Variants in PRKCH observed in about 807,000 individuals in gnomAD.
The protein encoded by PRKCH is protein kinase C eta type.
In PRKCH, 28 loss-of-function variants were observed where a neutral mutation model predicts 82.5. The observed-to-expected ratio is 0.34, with a 90% CI of 0.25 to 0.47. The LOEUF (loss-of-function observed/expected upper bound fraction) is 0.47, where lower values mean the gene tolerates loss of function less well. PRKCH is among the 20% of genes least tolerant of loss of function. The pLI is 1.00. For synonymous variants in PRKCH, 322 were observed against 327.4 expected, an observed-to-expected ratio of 0.98 and a Z score of 0.18; for missense variants, 705 against 881.8, an observed-to-expected ratio of 0.80 and a Z score of 2.54.
intron 2 of PRKCH, among the ~76,000 whole-genome samples, chr14:61,439,725 C>T (rs1247311912): frequency 6.6e-6 from 1 of 152,046 alleles, no homozygotes; most frequent in Non-Finnish European, 1.5e-5. Context: ...GGCTCTGAGG[C>T]AGGTAGGTTA....
chr14:61,516,465 T>C (rs2042830783), intron 10 of PRKCH, among the ~76,000 whole-genome samples: 1 of 152,200 alleles, frequency 6.6e-6, no homozygotes, highest in African/African-American at 2.4e-5. Context: ...CACTTGCACA[T>C]TTAATAATGA....
At chr14:61,535,422 C>T (rs1194294200) in intron 12 of PRKCH, among the ~76,000 whole-genome samples, 1 of 152,176 alleles carries the variant, frequency 6.6e-6, no homozygotes, top group Admixed American at 6.5e-5. Flanking sequence ...ACCTGGGCCA[C>T]CAAAGGAGGC....
intron 13 of PRKCH, among the ~76,000 whole-genome samples, chr14:61,548,372 C>CCCAGG (rs1228897245): frequency 6.6e-6 from 1 of 152,218 alleles, no homozygotes; most frequent in Non-Finnish European, 1.5e-5. Flanking sequence ...CAGTGCAGAG[C>CCCAGG]CCAGGCCAGG....
intron 1 of PRKCH, among the ~76,000 whole-genome samples, chr14:61,327,548 G>A (rs2045714458): frequency 6.6e-6 from 1 of 152,208 alleles, no homozygotes; most frequent in African/African-American, 2.4e-5. Flanking sequence ...AGTGGGACCG[G>A]CTGCTTCTCA....
In PRKCH at chr14:61,396,083, A is replaced by G. The variant is rs949173704; in HGVS notation, c.427+4795A>G. ...TGACAGAGTGAAACCTTGTTTCAGA[A>G]AAAAAAAAAAAAAAAGAAAAGAAAA... On this transcript the variant is annotated intron_variant, in intron 2 of 13. Transcript: ENST00000332981. Among the ~76,000 whole-genome samples the G allele has an allele frequency of 7.6e-4, 5 of 6,552 alleles. No homozygotes were observed. In the Non-Finnish European group the frequency reaches 0.038, roughly 50 times the overall value. The allele number at this position is 6,552 out of a possible 152,430, so 4.3% of individuals were successfully genotyped here.
chr14:61,417,546 T>A (rs1882625905), intron 2 of PRKCH, among the ~76,000 whole-genome samples: 1 of 152,232 alleles, frequency 6.6e-6, no homozygotes, highest in African/African-American at 2.4e-5. Flanking sequence ...GACAAAAATT[T>A]GGTAAATTAG....
chr14:61,225,694 AAAC>A (rs2044691570), intron 1 of PRKCH, among the ~76,000 whole-genome samples: 2 of 152,228 alleles, frequency 1.3e-5, no homozygotes, highest in South Asian at 4.1e-4. Context: ...ATAAGAGAGA[AAAC>A]AACCTATTCT....
chr14:61,337,067 CAAAAAAAAA>C (rs3028726), intron 1 of PRKCH, among the ~76,000 whole-genome samples: 1 of 55,092 alleles, frequency 1.8e-5, no homozygotes, highest in African/African-American at 7.8e-5. Flanking sequence ...CAGTCTGTCT[CAAAAAAAAA>C]AAAAAAAAAA....
intron 12 of PRKCH, among the ~76,000 whole-genome samples, chr14:61,541,752 A>G (rs980052622): frequency 2.1e-4 from 32 of 152,318 alleles, no homozygotes; most frequent in South Asian, 8.3e-4. Context: ...GCCATTACTT[A>G]TATTTTAGTG....
intron 9 of PRKCH, among the ~76,000 whole-genome samples, chr14:61,484,655 G>A (rs567530658): frequency 8.5e-4 from 129 of 152,092 alleles, no homozygotes; most frequent in Admixed American, 2.6e-3. Flanking sequence ...TCACTTAAGG[G>A]GGAGATGGCA....
intron 12 of PRKCH, among the ~76,000 whole-genome samples, chr14:61,546,514 T>C (rs540600201): frequency 1.3e-5 from 2 of 152,324 alleles, no homozygotes; most frequent in East Asian, 3.9e-4. Context: ...GCAGCCTCCT[T>C]CTTCAACATT....
chr14:61,416,053 CTTTTTTTTT>C (rs71117815), intron 2 of PRKCH, among the ~76,000 whole-genome samples: 2 of 94,158 alleles, frequency 2.1e-5, no homozygotes, highest in Non-Finnish European at 3.9e-5. Flanking sequence ...CTTTTCTTTT[CTTTTTTTTT>C]TTTTTTTTTT....
intron 1 of PRKCH, among the ~76,000 whole-genome samples, chr14:61,267,674 T>G (rs2045115703): frequency 6.6e-6 from 1 of 152,228 alleles, no homozygotes. Flanking sequence ...GGATTGATAG[T>G]GCAGGCAGTG....
intron 1 of PRKCH, among the ~76,000 whole-genome samples, chr14:61,208,659 T>C (rs1248551231): frequency 3.3e-5 from 5 of 152,186 alleles, no homozygotes; most frequent in Non-Finnish European, 7.3e-5. Context: ...ACCAGGCATT[T>C]TCTATAGCTT....
At chr14:61,277,489 T>C (rs946962005) in intron 1 of PRKCH, 2 of 152,316 alleles carry the variant, frequency 1.3e-5, no homozygotes, top group African/African-American at 4.8e-5. Context: ...GAACATTTAC[T>C]GGGCAACAAG....
intron 1 of PRKCH, among the ~76,000 whole-genome samples, chr14:61,300,021 T>C (rs1463491502): frequency 6.6e-6 from 1 of 152,212 alleles, no homozygotes; most frequent in Admixed American, 6.5e-5. Context: ...CCTTTCCCCA[T>C]ATGTAAGTTT....
At chr14:61,238,363 C>A (rs2044808054) in intron 1 of PRKCH, among the ~76,000 whole-genome samples, 1 of 152,140 alleles carries the variant, frequency 6.6e-6, no homozygotes, top group Non-Finnish European at 1.5e-5. Flanking sequence ...CAATCTTTTT[C>A]TTGATTAATC....
At chr14:61,268,810 C>G (rs1466872864) in intron 1 of PRKCH, among the ~76,000 whole-genome samples, 2 of 152,102 alleles carry the variant, frequency 1.3e-5, no homozygotes, top group African/African-American at 4.8e-5. Flanking sequence ...TCATAGAATG[C>G]TAACTGGGCA....
chr14:61,219,080 G>T (rs2044636506), intron 1 of PRKCH, among the ~76,000 whole-genome samples: 1 of 152,232 alleles, frequency 6.6e-6, no homozygotes, highest in South Asian at 2.1e-4. Context: ...GCTGTGGCTG[G>T]AAATGACCCG....
Sources: gnomAD v4.1 joint callset for allele counts (sites outside exome capture counted in the v4.1 genomes callset) on GRCh38, gnomAD v4.1.1 for gene constraint, MANE v1.5 for transcripts, NCBI Gene and HGNC (gene_info 2026-07-23, HGNC 2026-07-21) for gene names.